Variants in TXNL4A observed in about 807,000 individuals in gnomAD.
The protein encoded by TXNL4A is thioredoxin like 4A, also known as thioredoxin-like protein 4A.
In TXNL4A, 17 loss-of-function variants were observed where a neutral mutation model predicts 14.6. The observed-to-expected ratio is 1.16, with a 90% CI of 0.80 to 1.74. The LOEUF (loss-of-function observed/expected upper bound fraction) is 1.74, where lower values mean the gene tolerates loss of function less well. Ranked by LOEUF, TXNL4A falls within the 40% of genes most tolerant of loss-of-function variation. The pLI, the probability that TXNL4A is intolerant of heterozygous loss-of-function variation, is 0.00. For synonymous variants in TXNL4A, 83 were observed against 70.6 expected (o/e 1.18, Z -0.88); for missense variants, 74 against 195.2 (o/e 0.38, Z 3.70).
In TXNL4A at chr18:79,973,050, G is replaced by C. The variant is rs1184962909; in HGVS notation, c.*635C>G. Reference sequence around the variant, plus strand: ...GATCCTTGCAAATGTAATTAGTTAAGATTAGGCCATGCTGGAGCAGGGTGG... The same window carrying C: ...GATCCTTGCAAATGTAATTAGTTAACATTAGGCCATGCTGGAGCAGGGTGG... On this transcript the variant is annotated 3_prime_UTR_variant, in exon 3 of 3. Coordinates refer to ENST00000269601, the MANE Select transcript of TXNL4A (RefSeq NM_006701.5). 6.6e-6 allele frequency: 1 copy of C among 152,196 alleles called. No individual in the cohort carries two copies. Among genetic ancestry groups the C allele is most frequent in the Non-Finnish European group, 1.5e-5 (1 of 68,060 alleles). 9.4% of individuals were successfully genotyped at this position (152,196 alleles called of 1,614,324 possible).
Position 79,971,919 on chromosome 18 carries a change from G to C in TXNL4A, c.*1766C>G, listed in dbSNP as rs916779353. The C allele has an allele frequency of 6.6e-6, 1 of 152,136 alleles. No individual in the cohort carries two copies. The highest frequency in any genetic ancestry group is 6.6e-5 in the Admixed American group (1 of 15,264). 9.4% of individuals were successfully genotyped at this position (152,136 alleles called of 1,614,324 possible). On this transcript the variant is annotated 3_prime_UTR_variant, in exon 3 of 3. Coordinates refer to ENST00000269601, the MANE Select transcript of TXNL4A (RefSeq NM_006701.5). ...TGTCTGTTACATGCCAGGTACTCGA[G>C]GTCACATACACGTTCTCCCTAGCCC... is the stretch of plus-strand genomic sequence containing the variant.
At position 79,973,863 on chromosome 18, in the gene TXNL4A, C is replaced by A. The variant is rs375755071; in HGVS notation, c.258-7G>T. ...AATCATGATGTGCTTGTTCCTGCAA[C>A]GAGAAACAAGGGCATCCATTCTCAT... On this transcript the variant is annotated splice_region_variant and splice_polypyrimidine_tract_variant and intron_variant, in intron 2 of 2. Transcript: ENST00000269601. 6.2e-7 allele frequency: 1 copy of A among 1,612,418 alleles called. No individual in the cohort carries two copies. Among genetic ancestry groups the A allele is most frequent in the East Asian group, 2.2e-5 (1 of 44,850 alleles).
intron 1 of TXNL4A, among the ~76,000 whole-genome samples, chr18:79,996,069 A>T (rs916882177): frequency 8.1e-6 from 1 of 123,982 alleles, no homozygotes; most frequent in Non-Finnish European, 1.6e-5. Context: ...GCGCCACTGC[A>T]CTCCAGCCTG....
At chr18:79,997,653 C>A (rs575314530) in intron 1 of TXNL4A, among the ~76,000 whole-genome samples, 2 of 152,250 alleles carry the variant, frequency 1.3e-5, no homozygotes, top group African/African-American at 2.4e-5. Flanking sequence ...AGGGTATACA[C>A]AAAGTCCCAC....
intron 1 of TXNL4A, among the ~76,000 whole-genome samples, chr18:80,004,515 C>T (rs908373950): frequency 6.6e-6 from 1 of 152,156 alleles, no homozygotes; most frequent in African/African-American, 2.4e-5. Context: ...GAATTCCCAG[C>T]AATCTGGGGG....
At chr18:80,002,568 C>A (rs2051704822) in intron 1 of TXNL4A, among the ~76,000 whole-genome samples, 1 of 152,156 alleles carries the variant, frequency 6.6e-6, no homozygotes, top group South Asian at 2.1e-4. Flanking sequence ...GATTACTCAG[C>A]CATTAATTTT....
At chr18:79,996,127 A>AAC (rs2051660835) in intron 1 of TXNL4A, among the ~76,000 whole-genome samples, 1 of 145,840 alleles carries the variant, frequency 6.9e-6, no homozygotes, top group Non-Finnish European at 1.5e-5. Context: ...AAAAAAAAAA[A>AAC]CGGCCAGGAC....
intron 1 of TXNL4A, among the ~76,000 whole-genome samples, chr18:79,980,468 G>C (rs1795509191): frequency 6.6e-6 from 1 of 152,092 alleles, no homozygotes; most frequent in Non-Finnish European, 1.5e-5. Context: ...AAAAAATGAG[G>C]GGTTAGGTAA....
intron 1 of TXNL4A, among the ~76,000 whole-genome samples, chr18:80,024,518 C>G (rs2051871427): frequency 6.6e-6 from 1 of 152,108 alleles, no homozygotes; most frequent in Admixed American, 6.5e-5. Flanking sequence ...TTTCCCCAAT[C>G]AGATGTGACC....
intron 1 of TXNL4A, among the ~76,000 whole-genome samples, chr18:80,025,703 C>T (rs896242402): frequency 6.6e-6 from 1 of 152,322 alleles, no homozygotes; most frequent in African/African-American, 2.4e-5. Flanking sequence ...AATTTGAGCT[C>T]AGTATCAGAA....
chr18:80,033,240 C>A (rs72972251), intron 1 of TXNL4A, among the ~76,000 whole-genome samples: 44,159 of 152,080 alleles, frequency 0.29, 6,761 homozygotes, highest in Non-Finnish European at 0.35. Context: ...TGTCCACACA[C>A]ATGCACACAC....
chr18:80,033,405 G>A (rs1236263961), intron 1 of TXNL4A, among the ~76,000 whole-genome samples: 1 of 152,156 alleles, frequency 6.6e-6, no homozygotes, highest in Non-Finnish European at 1.5e-5. Context: ...TTCCACGCCC[G>A]GGGGGAGCAG....
upstream of TXNL4A, among the ~76,000 whole-genome samples, chr18:79,988,791 C>T (rs990118527): frequency 9.2e-5 from 14 of 151,636 alleles, no homozygotes; most frequent in African/African-American, 3.4e-4. Flanking sequence ...GCCCCGGGCT[C>T]GCCGTGCCCT....
chr18:80,027,796 T>G (rs1377681437), intron 1 of TXNL4A, among the ~76,000 whole-genome samples: 1 of 152,206 alleles, frequency 6.6e-6, no homozygotes, highest in Non-Finnish European at 1.5e-5. Flanking sequence ...TGCTGCAAGT[T>G]AAGCATTTGG....
intron 1 of TXNL4A, among the ~76,000 whole-genome samples, chr18:79,999,536 CAA>C (rs1215965310): frequency 5.6e-3 from 193 of 34,466 alleles, no homozygotes; most frequent in African/African-American, 0.016. Flanking sequence ...GACTCCATCT[CAA>C]AAAAAAAAAA....
At chr18:79,974,002 G>A in intron 2 of TXNL4A, 146 bp from the exon 3 acceptor site, 3 of 1,093,212 alleles carry the variant, frequency 2.7e-6, no homozygotes, top group Non-Finnish European at 3.9e-6. Context: ...ATGCCATGAT[G>A]CAGGAGAATA....
intron 1 of TXNL4A, among the ~76,000 whole-genome samples, chr18:80,029,166 T>C (rs1215463865): frequency 6.6e-6 from 1 of 152,226 alleles, no homozygotes; most frequent in African/African-American, 2.4e-5. Flanking sequence ...CAGTGGGATG[T>C]CAGGTGCCCC....
intron 2 of TXNL4A, among the ~76,000 whole-genome samples, chr18:79,975,030 C>T (rs2145051564): frequency 6.6e-6 from 1 of 152,354 alleles, no homozygotes; most frequent in South Asian, 2.1e-4. Flanking sequence ...TGGCCGCCCT[C>T]TCATTCTCCA....
At chr18:79,978,951 T>C (rs1159510932) in intron 1 of TXNL4A, among the ~76,000 whole-genome samples, 1 of 151,730 alleles carries the variant, frequency 6.6e-6, no homozygotes, top group Non-Finnish European at 1.5e-5. Context: ...TTTTTTCTTT[T>C]TTTTGAGACG....
Sources: gnomAD v4.1 joint callset for allele counts (sites outside exome capture counted in the v4.1 genomes callset) on GRCh38, gnomAD v4.1.1 for gene constraint, MANE v1.5 for transcripts, NCBI Gene and HGNC (gene_info 2026-07-23, HGNC 2026-07-21) for gene names.